DNAH11: variants seen among roughly 807,000 people sequenced by gnomAD.
DNAH11 encodes the protein axonemal beta dynein heavy chain 11.
DNAH11 carries 442 observed loss-of-function variants against 526.0 expected under a neutral mutation model. That is an observed-to-expected ratio of 0.84 (90% CI 0.78 to 0.91). The LOEUF (loss-of-function observed/expected upper bound fraction) is 0.91. DNAH11 is among the 40% of genes least tolerant of loss of function. DNAH11 has a pLI of 0.00. For synonymous variants in DNAH11, 2,461 were observed against 1,935.9 expected (o/e 1.27, Z -7.12); for missense variants, 6,989 against 5,448.7 (o/e 1.28, Z -8.90).
intron 30 of DNAH11, among the ~76,000 whole-genome samples, chr7:21,679,612 T>C (rs569145234): frequency 4.0e-4 from 61 of 152,266 alleles, no homozygotes; most frequent in African/African-American, 1.3e-3. Context: ...TATATTAATA[T>C]TTTTATTTCT....
At chr7:21,831,312 C>T (rs1409851559) in intron 65 of DNAH11, among the ~76,000 whole-genome samples, 2 of 152,198 alleles carry the variant, frequency 1.3e-5, no homozygotes, top group African/African-American at 4.8e-5. Context: ...TCCCACCCCT[C>T]TGGTTAACTT....
chr7:21,547,110 T>G (rs1005178729), intron 2 of DNAH11, among the ~76,000 whole-genome samples: 1 of 152,220 alleles, frequency 6.6e-6, no homozygotes, highest in African/African-American at 2.4e-5. Flanking sequence ...TTAATTGACT[T>G]ACTTTGTATA....
intron 6 of DNAH11, 28 bp downstream of exon 6, chr7:21,564,425 TAAGA>T: frequency 6.4e-7 from 1 of 1,559,466 alleles, no homozygotes; most frequent in Non-Finnish European, 8.8e-7. Flanking sequence ...ACAGGAACAA[TAAGA>T]ATTGTTGCTG....
At position 21,901,350 on chromosome 7, in the gene DNAH11, A is replaced by G; in HGVS notation, c.*96A>G. ...CCCATGCACATTATTCTAACTTTTT[A>G]GTAACTCACACGTGCATTCTTTTTT... On this transcript the variant is annotated 3_prime_UTR_variant, in exon 82 of 82. Transcript: ENST00000409508. The G allele has an allele frequency of 2.9e-6, 4 of 1,394,558 alleles. No homozygotes were observed. The highest frequency in any genetic ancestry group is 3.7e-6 in the Non-Finnish European group (4 of 1,067,444). The allele number at this position is 1,394,558 out of a possible 1,614,324, so 86.4% of individuals were successfully genotyped here.
intron 18 of DNAH11, among the ~76,000 whole-genome samples, chr7:21,603,420 T>G (rs536978800): frequency 1.3e-5 from 2 of 152,340 alleles, no homozygotes; most frequent in Non-Finnish European, 2.9e-5. Context: ...TCAGTACACC[T>G]AGGAGTGGAA....
chr7:21,583,154 G>C (rs150353403), intron 9 of DNAH11, among the ~76,000 whole-genome samples: 6,165 of 152,234 alleles, frequency 0.04, 137 homozygotes, highest in South Asian at 0.062. Flanking sequence ...AAAGAACAAA[G>C]CTGGAGGCAT....
At chr7:21,634,679 G>A (rs534311915) in intron 25 of DNAH11, among the ~76,000 whole-genome samples, 19 of 152,246 alleles carry the variant, frequency 1.2e-4, no homozygotes, top group Middle Eastern at 6.8e-3. Flanking sequence ...AGGGCAGGAG[G>A]AGGGTGAGGA....
intron 6 of DNAH11, among the ~76,000 whole-genome samples, chr7:21,565,051 A>G (rs1783608514): frequency 6.6e-6 from 1 of 152,208 alleles, no homozygotes; most frequent in African/African-American, 2.4e-5. Flanking sequence ...AGTGGTTCTT[A>G]TTTGGAACCA....
intron 57 of DNAH11, 75 bp from the exon 58 acceptor site, chr7:21,784,352 T>G: frequency 8.9e-7 from 1 of 1,123,304 alleles, no homozygotes; most frequent in Non-Finnish European, 1.3e-6. Context: ...TGCATCTGAG[T>G]CAACCTCCAT....
chr7:21,671,885 G>T (rs1272874384), intron 30 of DNAH11, among the ~76,000 whole-genome samples: 1 of 152,148 alleles, frequency 6.6e-6, no homozygotes, highest in Non-Finnish European at 1.5e-5. Flanking sequence ...TCAAGAATCA[G>T]GTAATGATGC....
At chr7:21,632,636 C>G (rs1169369961) in intron 25 of DNAH11, among the ~76,000 whole-genome samples, 1 of 152,166 alleles carries the variant, frequency 6.6e-6, no homozygotes, top group Non-Finnish European at 1.5e-5. Context: ...ACCTTTGTTC[C>G]AGTTCCCAAC....
chr7:21,782,937 G>C (rs79903458), intron 57 of DNAH11, among the ~76,000 whole-genome samples: 3,224 of 149,718 alleles, frequency 0.022, 121 homozygotes, highest in African/African-American at 0.075. Context: ...GAAAGAAAGA[G>C]CACTTAAAAG....
At chr7:21,671,026 G>C (rs1052418620) in intron 30 of DNAH11, among the ~76,000 whole-genome samples, 1 of 152,092 alleles carries the variant, frequency 6.6e-6, no homozygotes, top group Non-Finnish European at 1.5e-5. Flanking sequence ...ATACTCCTTA[G>C]AAGGAGTTGG....
chr7:21,619,050 AC>A, intron 23 of DNAH11, 49 bp from the exon 24 acceptor site: 2 of 1,609,302 alleles, frequency 1.2e-6, no homozygotes, highest in Non-Finnish European at 1.7e-6. Flanking sequence ...GGCAAAAGGA[AC>A]CGTTCATATA....
In DNAH11 at chr7:21,861,915, A is replaced by T; in HGVS notation, c.11265A>T (p.Gly3755=). Residue 3755 remains glycine, a synonymous_variant, in exon 69 of 82, where the codon GGA becomes GGT. Transcript: ENST00000409508. ...CTGACAAGGTGGAAGACATGCAGGG[A>T]CGCATCTCTATCCTGATGGAGAGCA... ...EQADKVEDMQ[G]RISILMESIT... The T allele has an allele frequency of 5.6e-6, 9 of 1,613,524 alleles. No individual in the cohort carries two copies. The highest frequency in any genetic ancestry group is 7.6e-6 in the Non-Finnish European group (9 of 1,179,714).
chr7:21,680,519 A>G (rs1250115922), intron 30 of DNAH11, among the ~76,000 whole-genome samples: 1 of 152,244 alleles, frequency 6.6e-6, no homozygotes, highest in African/African-American at 2.4e-5. Context: ...AATATTTTCT[A>G]TTAGATCCAA....
chr7:21,567,292 A>G (rs1783709308), intron 6 of DNAH11, among the ~76,000 whole-genome samples: 1 of 152,054 alleles, frequency 6.6e-6, no homozygotes, highest in South Asian at 2.1e-4. Context: ...TGTTTTCTAT[A>G]ATTGTATTTC....
intron 61 of DNAH11, among the ~76,000 whole-genome samples, chr7:21,792,222 T>C (rs577500935): frequency 1.7e-4 from 26 of 152,338 alleles, no homozygotes; most frequent in Middle Eastern, 6.8e-3. Flanking sequence ...TCACATTTAC[T>C]CATTTGCATA....
intron 5 of DNAH11, among the ~76,000 whole-genome samples, chr7:21,563,766 A>G (rs1481033874): frequency 2.0e-5 from 3 of 152,306 alleles, no homozygotes; most frequent in South Asian, 2.1e-4. Context: ...AGAGTAAACA[A>G]TTCAATTGTG....
Sources: gnomAD v4.1 joint callset for allele counts (sites outside exome capture counted in the v4.1 genomes callset) on GRCh38, gnomAD v4.1.1 for gene constraint, MANE v1.5 for transcripts, NCBI Gene and HGNC (gene_info 2026-07-23, HGNC 2026-07-21) for gene names.